ZFHX3: variants seen among roughly 807,000 people sequenced by gnomAD.
The protein encoded by ZFHX3 is zinc finger homeobox protein 3.
In ZFHX3, 42 loss-of-function variants were observed where a neutral mutation model predicts 279.1. The ratio of observed to expected loss-of-function variants is 0.15; its 90% CI spans 0.12 to 0.19. The LOEUF is 0.19. Ranked by LOEUF, ZFHX3 falls within the 10% of genes least tolerant of loss-of-function variation. The pLI is 1.00. For synonymous variants in ZFHX3, 2,293 were observed against 1,957.8 expected, an observed-to-expected ratio of 1.17 and a Z score of -4.52; for missense variants, 4,981 against 4,754.0, an observed-to-expected ratio of 1.05 and a Z score of -1.40.
Position 73,529,993 on chromosome 16 carries a change from C to T in ZFHX3, c.-1546-73735G>A, listed in dbSNP as rs182777401. ...ATTGTATTTGATAGTTGAAATGTATCGCTTGTGTCCTTGGTTAACATATTA... is the reference window on the plus strand; with the variant it reads ...ATTGTATTTGATAGTTGAAATGTATTGCTTGTGTCCTTGGTTAACATATTA... On this transcript the variant is annotated intron_variant, in intron 2 of 17. Transcript: ENST00000641206. 1.6e-4 allele frequency among the ~76,000 whole-genome samples: 25 copies of T among 152,156 alleles called. No homozygotes were observed. In the East Asian group the frequency reaches 2.7e-3, roughly 16 times the overall value.
At chr16:73,042,914 T>C (rs1207919631) in intron 1 of ZFHX3, among the ~76,000 whole-genome samples, 1 of 151,770 alleles carries the variant, frequency 6.6e-6, no homozygotes, top group Non-Finnish European at 1.5e-5. Context: ...TTTAGGCCCC[T>C]TATGTCATTA....
At position 72,785,436 on chromosome 16, in the gene ZFHX3, A is replaced by C. The variant is rs1035481326; in HGVS notation, c.*1728T>G. The C allele has an allele frequency of 1.3e-5, 2 of 152,640 alleles. No homozygotes were observed. The highest frequency in any genetic ancestry group is 4.8e-5 in the African/African-American group (2 of 41,464). 9.5% of individuals were successfully genotyped at this position (152,640 alleles called of 1,614,324 possible). A position where few individuals can be genotyped will look rare whatever the true frequency, so the allele number is the denominator to read the frequency against. The stretch of plus-strand genomic sequence containing the variant: ...AAAAATGTGTCTTTTGGTATATGGA[A>C]TTGTCATTAACATTTGCCTCTCTGC... On this transcript the variant is annotated 3_prime_UTR_variant, in exon 10 of 10. Transcript: ENST00000268489.
intron 3 of ZFHX3, among the ~76,000 whole-genome samples, chr16:73,418,365 G>T (rs1597327805): frequency 6.6e-6 from 1 of 152,194 alleles, no homozygotes; most frequent in African/African-American, 2.4e-5. Flanking sequence ...TACCTGGCCC[G>T]ATCACCTGGA....
intron 2 of ZFHX3, among the ~76,000 whole-genome samples, chr16:73,678,066 G>T (rs2052972596): frequency 6.6e-6 from 1 of 151,980 alleles, no homozygotes; most frequent in South Asian, 2.1e-4. Context: ...TGTAAGAGAA[G>T]AACAGAGACA....
intron 1 of ZFHX3, among the ~76,000 whole-genome samples, chr16:73,021,568 C>G (rs116888367): frequency 2.5e-3 from 380 of 152,220 alleles, no homozygotes; most frequent in Non-Finnish European, 3.8e-3. Flanking sequence ...TGGTGGCTCA[C>G]ACCTATAATA....
intron 1 of ZFHX3, among the ~76,000 whole-genome samples, chr16:73,017,409 T>C (rs1964142163): frequency 6.6e-6 from 1 of 152,036 alleles, no homozygotes; most frequent in African/African-American, 2.4e-5. Context: ...GGAGGAGGAA[T>C]ACTTGAAAGG....
intron 4 of ZFHX3, among the ~76,000 whole-genome samples, chr16:72,882,633 G>C (rs1362604291): frequency 6.6e-6 from 1 of 152,118 alleles, no homozygotes; most frequent in Non-Finnish European, 1.5e-5. Flanking sequence ...CTTCTCCAGG[G>C]GGACCTTCCA....
chr16:73,343,999 A>G (rs1455368818), intron 3 of ZFHX3, among the ~76,000 whole-genome samples: 3 of 152,234 alleles, frequency 2.0e-5, no homozygotes, highest in Non-Finnish European at 4.4e-5. Flanking sequence ...ACTGGTTCAA[A>G]TAAGAAGTGC....
At chr16:72,835,893 C>T (rs924570073) in intron 4 of ZFHX3, among the ~76,000 whole-genome samples, 2 of 152,146 alleles carry the variant, frequency 1.3e-5, no homozygotes, top group Non-Finnish European at 2.9e-5. Context: ...CAATGGGAAA[C>T]CTCTACTGGC....
chr16:72,895,820 T>C (rs2038885887), intron 3 of ZFHX3, among the ~76,000 whole-genome samples: 1 of 152,084 alleles, frequency 6.6e-6, no homozygotes, highest in Non-Finnish European at 1.5e-5. Flanking sequence ...TGAGACCCTG[T>C]CTCAGTAAAT....
In ZFHX3 at chr16:73,436,471, A is replaced by T. The variant is rs1597335107; in HGVS notation, c.-1291+19532T>A. On this transcript the variant is annotated intron_variant, in intron 3 of 17. Transcript: ENST00000641206. ...GGGTTTCCCCTTATAAAACCATCAG[A>T]TGTCGTGAGACATATTCATTACCAG... Among the ~76,000 whole-genome samples the T allele has an allele frequency of 3.3e-5, 5 of 152,284 alleles. No homozygotes were observed. In the South Asian group the frequency reaches 8.3e-4, roughly 25 times the overall value.
chr16:73,740,883 G>A (rs899444412), intron 1 of ZFHX3, among the ~76,000 whole-genome samples: 1 of 152,152 alleles, frequency 6.6e-6, no homozygotes, highest in Non-Finnish European at 1.5e-5. Flanking sequence ...CTTCACTTGA[G>A]GGACACCCTG....
rs71156159 is a variant in ZFHX3 at position 73,378,030 on chromosome 16, CAAAAAAAAAAAAAAAAAAAAA to C, written c.-1290-59715_-1290-59695del. Among the ~76,000 whole-genome samples the C allele has an allele frequency of 9.7e-4, 52 of 53,816 alleles. 2 individuals carry two copies. The highest frequency in any genetic ancestry group is 3.1e-3 in the Admixed American group (11 of 3,526). The allele number at this position is 53,816 out of a possible 152,430, so 35.3% of individuals were successfully genotyped here. On this transcript the variant is annotated intron_variant, in intron 3 of 17. Coordinates refer to the ZFHX3 transcript ENST00000641206. Reference sequence around the variant, plus strand: ...CCTGGGTGACAGAGAGACTCTGTCTCAAAAAAAAAAAAAAAAAAAAAAAAAAAAAAAAAAAAAAATCTTATA... The same window carrying C: ...CCTGGGTGACAGAGAGACTCTGTCTCAAAAAAAAAAAAAAAAAATCTTATA...
chr16:73,078,843 A>G (rs1965913586), intron 8 of ZFHX3, among the ~76,000 whole-genome samples: 1 of 151,470 alleles, frequency 6.6e-6, no homozygotes, highest in East Asian at 2.0e-4. Context: ...ACGGGGTTTC[A>G]CCATCTTAGC....
At position 72,786,407 on chromosome 16, in the gene ZFHX3, GGGT is replaced by G. The variant is rs2035371647; in HGVS notation, c.*754_*756del. The G allele has an allele frequency of 6.7e-6, 1 of 148,410 alleles. No individual in the cohort carries two copies. The highest frequency in any genetic ancestry group is 6.8e-5 in the Admixed American group (1 of 14,610). The allele number at this position is 148,410 out of a possible 1,614,324, so 9.2% of individuals were successfully genotyped here. On this transcript the variant is annotated 3_prime_UTR_variant, in exon 10 of 10. Transcript: ENST00000268489. ...AGTCCTCAACACTCTTTGTGTGTGT[GGGT>G]TATTATTTTTTTTTTTTTTTGAAAG...
intron 7 of ZFHX3, among the ~76,000 whole-genome samples, chr16:73,111,205 A>T (rs1295849812): frequency 2.6e-5 from 4 of 152,134 alleles, no homozygotes; most frequent in Non-Finnish European, 2.9e-5. Context: ...CCTTCCAAAG[A>T]GTTGGGATTA....
Position 73,566,887 on chromosome 16 carries a change from C to T in ZFHX3, c.-1546-110629G>A, listed in dbSNP as rs140087794. Reference sequence around the variant, plus strand: ...CTAATTTTTGTATTTTTAGTAGACACGGGGTTTCTCCATGTTGGTCAGGCT... The same window carrying T: ...CTAATTTTTGTATTTTTAGTAGACATGGGGTTTCTCCATGTTGGTCAGGCT... On this transcript the variant is annotated intron_variant, in intron 2 of 17. Coordinates refer to the ZFHX3 transcript ENST00000641206. 4.1e-3 allele frequency among the ~76,000 whole-genome samples: 620 copies of T among 152,172 alleles called. 7 individuals are homozygous for T. Among genetic ancestry groups the T allele is most frequent in the African/African-American group, 0.014 (600 of 41,528 alleles).
At chr16:73,586,232 TA>T (rs1469433186) in intron 2 of ZFHX3, among the ~76,000 whole-genome samples, 1 of 150,772 alleles carries the variant, frequency 6.6e-6, no homozygotes, top group African/African-American at 2.5e-5. Flanking sequence ...CTGTTAAAAA[TA>T]AAAAAATCAG....
chr16:73,744,871 T>A (rs990747634), intron 1 of ZFHX3, among the ~76,000 whole-genome samples: 3 of 152,190 alleles, frequency 2.0e-5, no homozygotes, highest in Non-Finnish European at 4.4e-5. Flanking sequence ...ACCCAATTTT[T>A]CAAGAACTGC....
Sources: allele counts gnomAD v4.1 joint callset (sites outside exome capture counted in the v4.1 genomes callset), GRCh38; gene constraint gnomAD v4.1.1; transcripts MANE v1.5; gene names NCBI Gene and HGNC (gene_info 2026-07-23, HGNC 2026-07-21).